SLC28A1: variants seen among roughly 807,000 people sequenced by gnomAD.
The protein encoded by SLC28A1 is solute carrier family 28 member 1.
In SLC28A1, 64 loss-of-function variants were observed where a neutral mutation model predicts 74.8. The observed-to-expected ratio is 0.86, with a 90% CI of 0.70 to 1.05. The LOEUF is 1.05. Ranked by LOEUF, SLC28A1 falls within the 50% of genes least tolerant of loss-of-function variation. The pLI, the probability that SLC28A1 is intolerant of heterozygous loss-of-function variation, is 0.00. For synonymous variants in SLC28A1, 359 were observed against 335.0 expected (o/e 1.07, Z -0.78); for missense variants, 828 against 822.8 (o/e 1.01, Z -0.08).
the SLC28A1 span, chr15:84,961,679 C>T: frequency 6.2e-4 from 207 of 332,866 alleles, no homozygotes; most frequent in African/African-American, 4.1e-3. Context: ...ACTAAGATTC[C>T]GAGACTGTTA....
the SLC28A1 span, among the ~76,000 whole-genome samples, chr15:84,962,605 T>C: frequency 6.6e-6 from 1 of 151,454 alleles, no homozygotes; most frequent in East Asian, 2.0e-4. Flanking sequence ...GCCTGGCCAA[T>C]GTTTTGTATT....
the SLC28A1 span, among the ~76,000 whole-genome samples, chr15:84,955,591 TCAGCGGGACTGTGGCTGACCCCACCC>T: frequency 6.6e-6 from 1 of 152,166 alleles, no homozygotes; most frequent in Non-Finnish European, 1.5e-5. Flanking sequence ...TTTCTTTGGT[TCAGCGGGACTGTGGCTGACCCCACCC>T]CAGCTGGGAT....
intron 9 of SLC28A1, among the ~76,000 whole-genome samples, chr15:84,909,433 G>A (rs1035762670): frequency 6.6e-6 from 1 of 152,114 alleles, no homozygotes; most frequent in Non-Finnish European, 1.5e-5. Context: ...GGAGATAAAG[G>A]CACTGTTCTG....
the SLC28A1 span, among the ~76,000 whole-genome samples, chr15:84,972,730 G>C: frequency 6.6e-6 from 1 of 152,148 alleles, no homozygotes; most frequent in African/African-American, 2.4e-5. Context: ...CAATTTCCAC[G>C]GAGCTACATT....
At chr15:84,917,725 C>T (rs1208666794) in intron 9 of SLC28A1, among the ~76,000 whole-genome samples, 1 of 152,144 alleles carries the variant, frequency 6.6e-6, no homozygotes, top group Non-Finnish European at 1.5e-5. Context: ...CTTTAGTGCA[C>T]TAGGGTATGT....
At chr15:84,967,292 T>C in the SLC28A1 span, among the ~76,000 whole-genome samples, 5 of 152,328 alleles carry the variant, frequency 3.3e-5, no homozygotes, top group African/African-American at 1.2e-4. Context: ...AGGGGCTGCC[T>C]TGGGGGATGA....
chr15:84,950,721 G>A (rs2079391650), downstream of SLC28A1, among the ~76,000 whole-genome samples: 1 of 151,914 alleles, frequency 6.6e-6, no homozygotes, highest in Non-Finnish European at 1.5e-5. Flanking sequence ...AAAGAAAAAG[G>A]ACTACATTTC....
intron 9 of SLC28A1, among the ~76,000 whole-genome samples, chr15:84,909,112 A>T (rs1040160891): frequency 6.6e-6 from 1 of 152,148 alleles, no homozygotes; most frequent in African/African-American, 2.4e-5. Context: ...GGTAGGGGTC[A>T]TGGGGACAGC....
chr15:84,891,297 C>G (rs747255103), intron 5 of SLC28A1, among the ~76,000 whole-genome samples: 3 of 152,120 alleles, frequency 2.0e-5, no homozygotes, highest in Non-Finnish European at 4.4e-5. Flanking sequence ...GCAATGCTAG[C>G]TGTACTTGGC....
At chr15:84,951,928 G>A in the SLC28A1 span, among the ~76,000 whole-genome samples, 1 of 152,202 alleles carries the variant, frequency 6.6e-6, no homozygotes, top group African/African-American at 2.4e-5. Context: ...AAACACCAGA[G>A]ACAGAAGGCA....
chr15:84,935,248 G>T, intron 14 of SLC28A1, 54 bp downstream of exon 14: 1 of 1,611,908 alleles, frequency 6.2e-7, no homozygotes, highest in Non-Finnish European at 8.5e-7. Context: ...CCAGGTGGGT[G>T]GTGAGTGGTG....
chr15:84,956,442 C>CCTTCCTTCCTTT, the SLC28A1 span, among the ~76,000 whole-genome samples: 2 of 124,568 alleles, frequency 1.6e-5, no homozygotes, highest in African/African-American at 6.8e-5. Flanking sequence ...TTCCTTCCTT[C>CCTTCCTTCCTTT]CTTTCTTTCT....
intron 11 of SLC28A1, among the ~76,000 whole-genome samples, chr15:84,921,347 AT>A (rs1325311354): frequency 5.3e-5 from 8 of 152,092 alleles, no homozygotes; most frequent in African/African-American, 1.7e-4. Flanking sequence ...CCAGTTTCTC[AT>A]TTTACACATG....
chr15:84,964,458 T>A, the SLC28A1 span, among the ~76,000 whole-genome samples: 1 of 152,192 alleles, frequency 6.6e-6, no homozygotes, highest in Non-Finnish European at 1.5e-5. Context: ...GGAGACATGC[T>A]CTTTATTGGT....
At chr15:84,975,602 C>T in the SLC28A1 span, 25 of 452,534 alleles carry the variant, frequency 5.5e-5, no homozygotes, top group Non-Finnish European at 8.0e-5. Context: ...AATAAATGCT[C>T]TTCATTTATT....
At chr15:84,949,619 C>T (rs1313063985), downstream of SLC28A1, among the ~76,000 whole-genome samples, 2 of 147,194 alleles carry the variant, frequency 1.4e-5, no homozygotes, top group African/African-American at 5.1e-5. Flanking sequence ...CTATGTTGCC[C>T]AGGCTGGTCG....
At chr15:84,893,275 G>T (rs945025208) in intron 5 of SLC28A1, among the ~76,000 whole-genome samples, 2 of 152,080 alleles carry the variant, frequency 1.3e-5, no homozygotes, top group Non-Finnish European at 2.9e-5. Context: ...CATCTGAAGT[G>T]CCAAGCTCAC....
the SLC28A1 span, among the ~76,000 whole-genome samples, chr15:84,952,738 A>C: frequency 6.6e-6 from 1 of 152,032 alleles, no homozygotes; most frequent in Non-Finnish European, 1.5e-5. Context: ...AATACAAAAA[A>C]ATTAGCCAGG....
At chr15:84,885,529 C>G (rs904731688) in intron 1 of SLC28A1, among the ~76,000 whole-genome samples, 1 of 151,662 alleles carries the variant, frequency 6.6e-6, no homozygotes, top group East Asian at 2.0e-4. Flanking sequence ...GTTGGAAGTT[C>G]GAGACCAGCC....
Sources: allele counts gnomAD v4.1 joint callset (sites outside exome capture counted in the v4.1 genomes callset), GRCh38; gene constraint gnomAD v4.1.1; transcripts MANE v1.5; gene names NCBI Gene and HGNC (gene_info 2026-07-23, HGNC 2026-07-21).